The following TSHZ3 variants were observed in gnomAD, a reference collection of about 807,000 sequenced individuals.
TSHZ3 encodes the protein teashirt homolog 3.
Under a neutral mutation model 64.5 loss-of-function variants are expected in TSHZ3, and 10 were observed. That is an observed-to-expected ratio of 0.16 (90% CI 0.10 to 0.26). TSHZ3 has a LOEUF of 0.26. TSHZ3 is among the 10% of genes least tolerant of loss of function. The pLI, the probability that TSHZ3 is intolerant of heterozygous loss-of-function variation, is 1.00. For missense variants in TSHZ3, 1,242 were observed against 1,421.7 expected (o/e 0.87, Z 2.03); for synonymous variants, 608 against 593.1 (o/e 1.03, Z -0.36).
intron 5 of TSHZ3, among the ~76,000 whole-genome samples, chr19:31,161,365 C>T (rs1297499338): frequency 6.6e-6 from 1 of 152,120 alleles, no homozygotes; most frequent in Non-Finnish European, 1.5e-5. Flanking sequence ...TAAGGCAGAA[C>T]AACATATTTT....
chr19:31,328,599 G>A (rs1916990951), intron 1 of TSHZ3, among the ~76,000 whole-genome samples: 1 of 152,184 alleles, frequency 6.6e-6, no homozygotes. Flanking sequence ...AAGGAATGGC[G>A]GGTTAAATCT....
At chr19:31,218,763 T>G (rs1032585141) in intron 4 of TSHZ3, among the ~76,000 whole-genome samples, 2 of 152,216 alleles carry the variant, frequency 1.3e-5, no homozygotes, top group South Asian at 2.1e-4. Flanking sequence ...TGGAGAAAAC[T>G]TAAATGTATG....
At chr19:31,194,220 C>T (rs1974953189) in intron 5 of TSHZ3, among the ~76,000 whole-genome samples, 1 of 152,094 alleles carries the variant, frequency 6.6e-6, no homozygotes, top group Non-Finnish European at 1.5e-5. Flanking sequence ...ATTGGGTATC[C>T]CTCACAATTA....
At chr19:31,193,046 GT>G (rs1974935516) in intron 5 of TSHZ3, among the ~76,000 whole-genome samples, 1 of 152,118 alleles carries the variant, frequency 6.6e-6, no homozygotes, top group Non-Finnish European at 1.5e-5. Flanking sequence ...TGCGACCCTG[GT>G]TTTTCCCAGT....
chr19:31,170,919 T>C (rs1184629444), intron 5 of TSHZ3, among the ~76,000 whole-genome samples: 1 of 152,204 alleles, frequency 6.6e-6, no homozygotes, highest in East Asian at 1.9e-4. Context: ...AGTTATTGAA[T>C]ATGCAAATTG....
chr19:31,231,303 C>T (rs1235739990), intron 3 of TSHZ3, among the ~76,000 whole-genome samples: 1 of 152,048 alleles, frequency 6.6e-6, no homozygotes, highest in Admixed American at 6.6e-5. Context: ...CTCAGGAGGC[C>T]GAGCGGAATT....
At chr19:31,200,774 C>T (rs1228857986) in intron 5 of TSHZ3, among the ~76,000 whole-genome samples, 2 of 152,046 alleles carry the variant, frequency 1.3e-5, no homozygotes, top group African/African-American at 4.8e-5. Context: ...GTAACAAATG[C>T]ATGCACCACC....
intron 1 of TSHZ3, among the ~76,000 whole-genome samples, chr19:31,333,397 C>A (rs1216486995): frequency 1.3e-5 from 2 of 152,102 alleles, no homozygotes; most frequent in African/African-American, 4.8e-5. Context: ...CTACACTCTC[C>A]CTCCTGTAAC....
chr19:31,338,370 G>A (rs1233151136), intron 1 of TSHZ3, among the ~76,000 whole-genome samples: 1 of 152,190 alleles, frequency 6.6e-6, no homozygotes, highest in Non-Finnish European at 1.5e-5. Flanking sequence ...CCCTGCAGAG[G>A]GGACAGAGCT....
intron 1 of TSHZ3, among the ~76,000 whole-genome samples, chr19:31,261,911 C>T (rs1040720030): frequency 6.6e-6 from 1 of 152,168 alleles, no homozygotes; most frequent in Admixed American, 6.5e-5. Flanking sequence ...TGTCTGCGAG[C>T]CCAGCCCCCT....
At chr19:31,186,097 T>G (rs767386065) in intron 5 of TSHZ3, among the ~76,000 whole-genome samples, 1 of 152,206 alleles carries the variant, frequency 6.6e-6, no homozygotes, top group Non-Finnish European at 1.5e-5. Context: ...TTCCTTCCGG[T>G]TTTTACCCAT....
intron 3 of TSHZ3, among the ~76,000 whole-genome samples, chr19:31,241,972 C>T (rs1357756588): frequency 6.6e-6 from 1 of 152,202 alleles, no homozygotes; most frequent in African/African-American, 2.4e-5. Flanking sequence ...CCCTGTCATA[C>T]CATCTTCACT....
intron 1 of TSHZ3, among the ~76,000 whole-genome samples, chr19:31,249,256 G>C (rs1317975344): frequency 1.3e-5 from 2 of 152,224 alleles, no homozygotes; most frequent in Non-Finnish European, 2.9e-5. Context: ...GCCTGAGGAA[G>C]TAGGAAAAGC....
At chr19:31,179,535 G>T (rs1023741479) in intron 5 of TSHZ3, among the ~76,000 whole-genome samples, 3 of 152,198 alleles carry the variant, frequency 2.0e-5, no homozygotes, top group African/African-American at 7.2e-5. Context: ...GGCAAACAGA[G>T]AATCTATCCC....
intron 1 of TSHZ3, among the ~76,000 whole-genome samples, chr19:31,258,112 C>T (rs561878765): frequency 6.6e-6 from 1 of 152,268 alleles, no homozygotes; most frequent in South Asian, 2.1e-4. Flanking sequence ...GGCTTATTCC[C>T]CTCTACCAGA....
intron 5 of TSHZ3, among the ~76,000 whole-genome samples, chr19:31,181,890 G>C (rs1326856596): frequency 6.6e-6 from 1 of 152,116 alleles, no homozygotes; most frequent in African/African-American, 2.4e-5. Flanking sequence ...GGAATCCTGG[G>C]TCAAGCTAAG....
intron 5 of TSHZ3, among the ~76,000 whole-genome samples, chr19:31,161,252 A>T (rs1465130732): frequency 6.6e-6 from 1 of 152,166 alleles, no homozygotes; most frequent in Non-Finnish European, 1.5e-5. Context: ...TAGCGGTATG[A>T]TTTCCTACAG....
At chr19:31,325,258 G>T (rs547633318) in intron 1 of TSHZ3, among the ~76,000 whole-genome samples, 1 of 152,166 alleles carries the variant, frequency 6.6e-6, no homozygotes, top group African/African-American at 2.4e-5. Flanking sequence ...GGTCGGGACC[G>T]GCCAGGGAAT....
At chr19:31,331,674 T>C (rs545848059) in intron 1 of TSHZ3, among the ~76,000 whole-genome samples, 3 of 152,240 alleles carry the variant, frequency 2.0e-5, no homozygotes, top group Non-Finnish European at 2.9e-5. Flanking sequence ...CTGCATTCAC[T>C]GTGTCACTGC....
Sources: allele counts gnomAD v4.1 joint callset (sites outside exome capture counted in the v4.1 genomes callset), GRCh38; gene constraint gnomAD v4.1.1; transcripts MANE v1.5; gene names NCBI Gene and HGNC (gene_info 2026-07-23, HGNC 2026-07-21).